Variants in KLF12 observed in about 807,000 individuals in gnomAD.
KLF12 encodes the protein KLF transcription factor 12, also known as Krueppel-like factor 12.
In KLF12, 9 loss-of-function variants were observed where a neutral mutation model predicts 37.8. The ratio of observed to expected loss-of-function variants is 0.24; its 90% CI spans 0.14 to 0.42. The LOEUF (loss-of-function observed/expected upper bound fraction) is 0.42. Ranked by LOEUF, KLF12 falls within the 10% of genes least tolerant of loss-of-function variation. KLF12 has a pLI of 1.00. For synonymous variants in KLF12, 208 were observed against 202.1 expected, an observed-to-expected ratio of 1.03 and a Z score of -0.25; for missense variants, 411 against 516.0, an observed-to-expected ratio of 0.80 and a Z score of 1.97.
intron 5 of KLF12, among the ~76,000 whole-genome samples, chr13:73,803,307 G>T (rs544804934): frequency 1.3e-5 from 2 of 152,242 alleles, no homozygotes; most frequent in South Asian, 4.1e-4. Flanking sequence ...TTTACTCTTT[G>T]CGAGAAGCCC....
At chr13:73,827,410 A>G (rs2138552425) in intron 4 of KLF12, among the ~76,000 whole-genome samples, 1 of 152,270 alleles carries the variant, frequency 6.6e-6, no homozygotes, top group Admixed American at 6.5e-5. Flanking sequence ...GTAAGACTTA[A>G]TATTTCCAGA....
chr13:74,189,928 T>C, the KLF12 span, among the ~76,000 whole-genome samples: 1 of 152,166 alleles, frequency 6.6e-6, no homozygotes, highest in Admixed American at 6.5e-5. Flanking sequence ...TTAAAGAATG[T>C]CCACTTTTTT....
At chr13:73,867,781 T>C (rs1045298540) in intron 3 of KLF12, among the ~76,000 whole-genome samples, 3 of 152,072 alleles carry the variant, frequency 2.0e-5, no homozygotes, top group African/African-American at 7.2e-5. Flanking sequence ...GCACGCCCTC[T>C]AGTAACATGG....
chr13:74,186,668 A>G, the KLF12 span, among the ~76,000 whole-genome samples: 26 of 152,214 alleles, frequency 1.7e-4, no homozygotes, highest in Non-Finnish European at 8.8e-5. Flanking sequence ...CCTCCATGAT[A>G]GAAAAAAAAT....
At chr13:73,985,154 T>C (rs1286219806) in intron 2 of KLF12, among the ~76,000 whole-genome samples, 1 of 152,214 alleles carries the variant, frequency 6.6e-6, no homozygotes, top group Non-Finnish European at 1.5e-5. Flanking sequence ...ACGAGAGTCT[T>C]CATGATTGCA....
chr13:74,092,296 CA>C (rs35528942), intron 1 of KLF12, among the ~76,000 whole-genome samples: 59,957 of 136,698 alleles, frequency 0.44, 13,541 homozygotes, highest in East Asian at 0.82. Context: ...GACTCCGTCT[CA>C]AAAAAAAAAA....
intron 5 of KLF12, among the ~76,000 whole-genome samples, chr13:73,795,666 G>A (rs1881919888): frequency 6.6e-6 from 1 of 152,146 alleles, no homozygotes; most frequent in African/African-American, 2.4e-5. Context: ...ACAGAAATCT[G>A]AAAAGCACTT....
At chr13:73,887,194 C>G (rs2138994332) in intron 3 of KLF12, among the ~76,000 whole-genome samples, 1 of 151,848 alleles carries the variant, frequency 6.6e-6, no homozygotes, top group East Asian at 1.9e-4. Context: ...TCTAGATAGT[C>G]TAATCTAAAT....
intron 1 of KLF12, among the ~76,000 whole-genome samples, chr13:74,096,973 C>A (rs545337190): frequency 6.6e-6 from 1 of 152,220 alleles, no homozygotes; most frequent in Non-Finnish European, 1.5e-5. Flanking sequence ...TCAGACACTT[C>A]CAAGTTCAAA....
chr13:73,802,730 C>T (rs1268113309), intron 5 of KLF12, among the ~76,000 whole-genome samples: 1 of 152,118 alleles, frequency 6.6e-6, no homozygotes, highest in Non-Finnish European at 1.5e-5. Flanking sequence ...ATTTGGTTTT[C>T]TGTTCCTGGG....
intron 2 of KLF12, among the ~76,000 whole-genome samples, chr13:73,969,629 T>C (rs916347213): frequency 3.3e-5 from 5 of 152,176 alleles, no homozygotes. Context: ...ATGTTCAGAT[T>C]TTCCACTAGA....
chr13:73,873,342 G>A (rs1028518697), intron 3 of KLF12, among the ~76,000 whole-genome samples: 2 of 152,042 alleles, frequency 1.3e-5, no homozygotes, highest in Admixed American at 1.3e-4. Flanking sequence ...AAGAGACAAA[G>A]CTTTCTTAAA....
intron 1 of KLF12, among the ~76,000 whole-genome samples, chr13:74,018,736 CTA>C: frequency 6.6e-6 from 1 of 151,924 alleles, no homozygotes; most frequent in East Asian, 1.9e-4. Flanking sequence ...CAAAATAAAT[CTA>C]TATATATATA....
chr13:74,181,212 C>G, the KLF12 span, among the ~76,000 whole-genome samples: 1 of 151,774 alleles, frequency 6.6e-6, no homozygotes, highest in African/African-American at 2.4e-5. Context: ...GCTGGCCAGG[C>G]TGGACTCGAA....
intron 1 of KLF12, among the ~76,000 whole-genome samples, chr13:74,065,155 C>G (rs898931191): frequency 4.0e-5 from 6 of 151,446 alleles, no homozygotes; most frequent in African/African-American, 1.5e-4. Context: ...TTTACTGATT[C>G]ATACATACAA....
At chr13:73,863,148 C>A (rs1008298552) in intron 3 of KLF12, among the ~76,000 whole-genome samples, 24 of 152,024 alleles carry the variant, frequency 1.6e-4, no homozygotes, top group Admixed American at 3.3e-4. Flanking sequence ...TAAACACATG[C>A]CAACTGAGGG....
chr13:74,003,707 T>C (rs906533280), intron 1 of KLF12, among the ~76,000 whole-genome samples: 5 of 152,160 alleles, frequency 3.3e-5, no homozygotes, highest in East Asian at 1.9e-4. Context: ...TATTCAAATA[T>C]GAATCAATGA....
At chr13:73,729,860 G>C (rs1254345164) in intron 6 of KLF12, among the ~76,000 whole-genome samples, 1 of 152,144 alleles carries the variant, frequency 6.6e-6, no homozygotes, top group African/African-American at 2.4e-5. Flanking sequence ...TTAGCAACTT[G>C]ATAATCTAGT....
rs554813241 is a variant in KLF12, at chr13:73,934,169, G to C, written c.123+9812C>G. On this transcript the variant is annotated intron_variant, in intron 3 of 7. Coordinates refer to ENST00000377669, the MANE Select transcript of KLF12 (RefSeq NM_007249.5). Reference sequence around the variant, plus strand: ...AGGGGTTTTTTTTTGCAGTGTTTCTGGTTCATCTCCACTATTGGTCCTGAC... The same window carrying C: ...AGGGGTTTTTTTTTGCAGTGTTTCTCGTTCATCTCCACTATTGGTCCTGAC... Among the ~76,000 whole-genome samples the C allele has an allele frequency of 4.0e-5, 6 of 151,826 alleles. No homozygotes were observed. In the East Asian group the frequency reaches 9.7e-4, roughly 25 times the overall value.
Sources: gnomAD v4.1 joint callset for allele counts (sites outside exome capture counted in the v4.1 genomes callset) on GRCh38, gnomAD v4.1.1 for gene constraint, MANE v1.5 for transcripts, NCBI Gene and HGNC (gene_info 2026-07-23, HGNC 2026-07-21) for gene names.